Variants in PPM1L observed in about 807,000 individuals in gnomAD.
PPM1L encodes the protein protein phosphatase, Mg2+/Mn2+ dependent 1L.
A neutral mutation model predicts 31.4 loss-of-function variants in PPM1L; 13 were observed. The observed-to-expected ratio is 0.41, with a 90% CI of 0.27 to 0.66. The LOEUF (loss-of-function observed/expected upper bound fraction) is 0.66. PPM1L is among the 30% of genes least tolerant of loss of function. The pLI, the probability that PPM1L is intolerant of heterozygous loss-of-function variation, is 0.29. For missense variants in PPM1L, 326 were observed against 453.7 expected, an observed-to-expected ratio of 0.72 and a Z score of 2.56; for synonymous variants, 184 against 175.4, an observed-to-expected ratio of 1.05 and a Z score of -0.39.
chr3:160,804,278 A>G (rs1168191163), intron 1 of PPM1L, among the ~76,000 whole-genome samples: 1 of 152,102 alleles, frequency 6.6e-6, no homozygotes, highest in Non-Finnish European at 1.5e-5. Flanking sequence ...CCTCCCTGTC[A>G]AAGAAAGGAT....
rs138060689 is a variant in PPM1L, at chr3:160,909,071, C to G, written c.400-52665C>G. 4.3e-4 allele frequency among the ~76,000 whole-genome samples: 65 copies of G among 152,294 alleles called. 1 individual carries two copies. Among genetic ancestry groups the G allele is most frequent in the Admixed American group, 1.4e-3 (22 of 15,294 alleles). The stretch of plus-strand genomic sequence containing the variant: ...CCAAGAGAGAACAGGGCTAAATTGT[C>G]AAGGTCCTGAGTGCTTTGCTAATAA... On this transcript the variant is annotated intron_variant, in intron 1 of 3. Coordinates refer to ENST00000498165, the MANE Select transcript of PPM1L (RefSeq NM_139245.4).
intron 1 of PPM1L, among the ~76,000 whole-genome samples, chr3:160,830,848 C>T (rs1248402732): frequency 6.6e-6 from 1 of 152,188 alleles, no homozygotes; most frequent in Non-Finnish European, 1.5e-5. Flanking sequence ...AATAAGATTA[C>T]AGCAGTAGTA....
At chr3:161,041,552 C>T (rs949049031) in intron 2 of PPM1L, among the ~76,000 whole-genome samples, 2 of 152,250 alleles carry the variant, frequency 1.3e-5, no homozygotes, top group South Asian at 2.1e-4. Flanking sequence ...AGATCGAGAC[C>T]ATCCTGGCTA....
Position 160,771,868 on chromosome 3 carries a change from G to GT in PPM1L, c.399+15171dup, listed in dbSNP as rs369217035. ...TGGAAAAAGTTTATATTTGCTGTTT[G>GT]TTTTTTTTTTCTTATCTATGGCTTG... On this transcript the variant is annotated intron_variant, in intron 1 of 3. Transcript: ENST00000498165. Among the ~76,000 whole-genome samples the GT allele has an allele frequency of 3.4e-3, 506 of 147,726 alleles. 1 individual carries two copies. Among genetic ancestry groups the GT allele is most frequent in the African/African-American group, 6.3e-3 (256 of 40,438 alleles).
intron 1 of PPM1L, among the ~76,000 whole-genome samples, chr3:160,806,263 C>A (rs923280177): frequency 1.3e-5 from 2 of 152,194 alleles, no homozygotes; most frequent in South Asian, 2.1e-4. Context: ...CCACTTCCTT[C>A]TCCTGGTTGA....
At chr3:160,950,041 G>A (rs1044586034) in intron 1 of PPM1L, among the ~76,000 whole-genome samples, 12 of 152,278 alleles carry the variant, frequency 7.9e-5, no homozygotes, top group African/African-American at 2.6e-4. Context: ...AGAGAGAAGA[G>A]TAATTTAGAC....
chr3:160,761,233 T>G (rs1714961045), intron 1 of PPM1L, among the ~76,000 whole-genome samples: 1 of 152,146 alleles, frequency 6.6e-6, no homozygotes. Flanking sequence ...TAAAATCTGT[T>G]TTTGATGCAT....
intron 1 of PPM1L, among the ~76,000 whole-genome samples, chr3:160,782,990 C>G (rs1055264196): frequency 2.6e-5 from 4 of 152,094 alleles, no homozygotes; most frequent in African/African-American, 9.7e-5. Context: ...AGAAAAACTC[C>G]CAGTGATTTT....
chr3:160,768,001 G>A (rs7634342), intron 1 of PPM1L, among the ~76,000 whole-genome samples: 83,063 of 152,074 alleles, frequency 0.55, 26,127 homozygotes, highest in African/African-American at 0.87. Flanking sequence ...ATTGAGACAT[G>A]GTGGGATCTT....
chr3:160,835,039 A>ACTACTT (rs760363593), intron 1 of PPM1L, among the ~76,000 whole-genome samples: 74 of 131,818 alleles, frequency 5.6e-4, no homozygotes, highest in Admixed American at 9.8e-4. Context: ...TACTACTACT[A>ACTACTT]CTTCTTCTTC....
At position 160,759,945 on chromosome 3, in the gene PPM1L, A is replaced by G. The variant is rs114094948; in HGVS notation, c.399+3238A>G. ...TCATCAGTTGTATTATACCCTGTCT[A>G]GAGAAGTACCTAAAGGAGAGAAGGA... On this transcript the variant is annotated intron_variant, in intron 1 of 3. Coordinates refer to ENST00000498165, the MANE Select transcript of PPM1L (RefSeq NM_139245.4). Among the ~76,000 whole-genome samples, 628 of 152,278 alleles carry G rather than the reference A, an allele frequency of 4.1e-3. 5 individuals carry two copies. Among genetic ancestry groups the G allele is most frequent in the African/African-American group, 0.014 (595 of 41,554 alleles).
rs994719081 is a variant in PPM1L, at chr3:160,860,324, T to A, written c.400-101412T>A. On this transcript the variant is annotated intron_variant, in intron 1 of 3. Transcript: ENST00000498165. ...GACTCACCTTGTAGATTCTAATATA[T>A]TCCTCAGCTAACGTCCTGTTGCCAC... Among the ~76,000 whole-genome samples the A allele has an allele frequency of 2.0e-5, 3 of 152,174 alleles. No homozygotes were observed. The East Asian group carries it at 5.8e-4, about 29-fold the overall frequency.
At chr3:160,979,286 C>T (rs1275149552) in intron 2 of PPM1L, among the ~76,000 whole-genome samples, 1 of 151,984 alleles carries the variant, frequency 6.6e-6, no homozygotes, top group Non-Finnish European at 1.5e-5. Context: ...GGTGTCTGGA[C>T]CCTATCCTGA....
intron 2 of PPM1L, among the ~76,000 whole-genome samples, chr3:160,970,589 A>G (rs1716298133): frequency 6.6e-6 from 1 of 151,006 alleles, no homozygotes; most frequent in South Asian, 2.1e-4. Flanking sequence ...AGCTGGGACT[A>G]CAGGCATGTG....
chr3:160,954,440 C>T (rs1302878749), intron 1 of PPM1L, among the ~76,000 whole-genome samples: 5 of 152,086 alleles, frequency 3.3e-5, no homozygotes, highest in African/African-American at 4.8e-5. Context: ...CAGCTCACTG[C>T]AACCTCCACC....
intron 3 of PPM1L, among the ~76,000 whole-genome samples, chr3:161,065,897 G>C (rs1255754475): frequency 2.6e-5 from 4 of 152,178 alleles, no homozygotes; most frequent in African/African-American, 9.7e-5. Flanking sequence ...TTCCTAAAAA[G>C]ACCTTGTTTC....
intron 1 of PPM1L, among the ~76,000 whole-genome samples, chr3:160,757,538 C>G (rs1714844692): frequency 6.6e-6 from 1 of 152,246 alleles, no homozygotes; most frequent in South Asian, 2.1e-4. Context: ...TCTGTGGCAC[C>G]CGGGTTGTGC....
rs181552512 is a variant in PPM1L, at chr3:160,922,126, C to T, written c.400-39610C>T. Among the ~76,000 whole-genome samples, 115 of 152,128 alleles carry T rather than the reference C, an allele frequency of 7.6e-4. No homozygotes were observed. The East Asian group carries it at 8.9e-3, about 12-fold the overall frequency. On this transcript the variant is annotated intron_variant, in intron 1 of 3. Coordinates refer to ENST00000498165, the MANE Select transcript of PPM1L (RefSeq NM_139245.4). ...GAGATCAAGACCATCCTGGCTAACA[C>T]GGTGAAACCCCATCTCTGCTAAAAA...
At chr3:160,818,618 G>A (rs1254853212) in intron 1 of PPM1L, among the ~76,000 whole-genome samples, 1 of 152,032 alleles carries the variant, frequency 6.6e-6, no homozygotes, top group African/African-American at 2.4e-5. Flanking sequence ...CCACTTGATA[G>A]AGTCATTTTC....
Sources: allele counts gnomAD v4.1 joint callset (sites outside exome capture counted in the v4.1 genomes callset), GRCh38; gene constraint gnomAD v4.1.1; transcripts MANE v1.5; gene names NCBI Gene and HGNC (gene_info 2026-07-23, HGNC 2026-07-21).